SLIT2: variants seen among roughly 807,000 people sequenced by gnomAD.
SLIT2 encodes the protein slit guidance ligand 2, also known as slit homolog 2 protein.
A neutral mutation model predicts 185.7 loss-of-function variants in SLIT2; 41 were observed. That is an observed-to-expected ratio of 0.22 (90% CI 0.17 to 0.29). The LOEUF is 0.29. Ranked by LOEUF, SLIT2 falls within the 10% of genes least tolerant of loss-of-function variation. SLIT2 has a pLI of 1.00. For missense variants in SLIT2, 1,571 were observed against 1,909.0 expected (o/e 0.82, Z 3.30); for synonymous variants, 693 against 680.2 (o/e 1.02, Z -0.29).
chr4:20,488,132 C>G (rs895855247), intron 7 of SLIT2, among the ~76,000 whole-genome samples: 8 of 152,254 alleles, frequency 5.3e-5, no homozygotes, highest in Non-Finnish European at 1.2e-4. Context: ...AATCCATGAT[C>G]TTGTGTGGAT....
At chr4:20,612,617 C>T (rs1400548595) in intron 34 of SLIT2, among the ~76,000 whole-genome samples, 3 of 152,060 alleles carry the variant, frequency 2.0e-5, no homozygotes, top group African/African-American at 7.2e-5. Context: ...ACTAAGTTCT[C>T]TTTAAAAATA....
chr4:20,554,094 A>G (rs1312384806), intron 26 of SLIT2, 126 bp downstream of exon 26: 5 of 791,982 alleles, frequency 6.3e-6, no homozygotes, highest in Non-Finnish European at 9.9e-6. Context: ...TTTTCAGCCC[A>G]TGCTTGGACA....
intron 4 of SLIT2, among the ~76,000 whole-genome samples, chr4:20,416,962 C>CTTTT (rs33980142): frequency 7.1e-6 from 1 of 141,354 alleles, no homozygotes; most frequent in Non-Finnish European, 1.5e-5. Context: ...GCTATCAAAT[C>CTTTT]TTTTTTTTTT....
chr4:20,538,405 C>T (rs1722496429), intron 18 of SLIT2, among the ~76,000 whole-genome samples: 1 of 55,374 alleles, frequency 1.8e-5, no homozygotes, highest in Non-Finnish European at 3.1e-5. Flanking sequence ...ACGATCCCTT[C>T]ATAAGGAGAG....
At chr4:20,287,590 A>G (rs1034724999) in intron 4 of SLIT2, among the ~76,000 whole-genome samples, 1 of 152,102 alleles carries the variant, frequency 6.6e-6, no homozygotes, top group Non-Finnish European at 1.5e-5. Flanking sequence ...GATAAACTCA[A>G]ATGTGTTTTT....
intron 4 of SLIT2, among the ~76,000 whole-genome samples, chr4:20,454,194 T>G (rs1322751015): frequency 6.6e-6 from 1 of 152,192 alleles, no homozygotes; most frequent in Non-Finnish European, 1.5e-5. Flanking sequence ...CTGCATAACC[T>G]GTGTGGTACC....
intron 4 of SLIT2, among the ~76,000 whole-genome samples, chr4:20,334,380 C>T (rs1256979040): frequency 1.3e-5 from 2 of 152,078 alleles, no homozygotes; most frequent in African/African-American, 4.8e-5. Context: ...AAGAAGATGA[C>T]ACAGCAAAGG....
intron 4 of SLIT2, among the ~76,000 whole-genome samples, chr4:20,455,586 A>G (rs935731327): frequency 2.6e-5 from 4 of 152,150 alleles, no homozygotes; most frequent in African/African-American, 7.2e-5. Context: ...TATTTATACA[A>G]TGGAATATTA....
chr4:20,516,978 T>C (rs1368376629), intron 11 of SLIT2, among the ~76,000 whole-genome samples: 2 of 152,158 alleles, frequency 1.3e-5, no homozygotes, highest in East Asian at 1.9e-4. Flanking sequence ...AAAAAAATAA[T>C]TACACAATAT....
chr4:20,469,751 CT>C (rs33912349), intron 5 of SLIT2, among the ~76,000 whole-genome samples: 15,779 of 90,210 alleles, frequency 0.17, 510 homozygotes, highest in Non-Finnish European at 0.21. Context: ...TTAGTTTTTA[CT>C]TTTTTTTTTT....
chr4:20,346,829 G>A (rs548785371), intron 4 of SLIT2, among the ~76,000 whole-genome samples: 17 of 152,304 alleles, frequency 1.1e-4, no homozygotes, highest in Admixed American at 1.0e-3. Context: ...GAAGCATCCA[G>A]AACGGGAGAA....
intron 33 of SLIT2, among the ~76,000 whole-genome samples, chr4:20,598,596 G>T (rs1375222674): frequency 6.6e-6 from 1 of 152,092 alleles, no homozygotes; most frequent in African/African-American, 2.4e-5. Flanking sequence ...TAAGGGGACT[G>T]CTATGCACAA....
At chr4:20,507,056 T>C (rs1165348199) in intron 9 of SLIT2, among the ~76,000 whole-genome samples, 7 of 152,156 alleles carry the variant, frequency 4.6e-5, no homozygotes, top group African/African-American at 1.7e-4. Flanking sequence ...TAGTTTGCAA[T>C]GTGAAGATCA....
intron 4 of SLIT2, among the ~76,000 whole-genome samples, chr4:20,451,804 T>C (rs1245320244): frequency 6.6e-6 from 1 of 152,226 alleles, no homozygotes; most frequent in African/African-American, 2.4e-5. Flanking sequence ...AGGTTTATTC[T>C]GGCATCTAAA....
intron 9 of SLIT2, among the ~76,000 whole-genome samples, chr4:20,494,463 G>A (rs570660851): frequency 6.6e-6 from 1 of 152,232 alleles, no homozygotes. Context: ...AATACTAAAG[G>A]ACCAGTGACA....
intron 4 of SLIT2, among the ~76,000 whole-genome samples, chr4:20,310,752 A>C (rs571697115): frequency 1.3e-5 from 2 of 152,272 alleles, no homozygotes; most frequent in East Asian, 3.9e-4. Flanking sequence ...ACTGAATTTC[A>C]AGTAAGTTTC....
chr4:20,258,018 C>T (rs1712031491), intron 3 of SLIT2, 79 bp downstream of exon 3: 1 of 729,634 alleles, frequency 1.4e-6, no homozygotes. Context: ...ATCATGTCTT[C>T]AATTTCATGT....
intron 29 of SLIT2, 184 bp downstream of exon 29, chr4:20,569,188 C>A: frequency 1.7e-6 from 1 of 587,178 alleles, no homozygotes; most frequent in Admixed American, 2.9e-5. Flanking sequence ...AATAAAAGAC[C>A]CAGGAATCTC....
At chr4:20,255,014 A>T (rs918148501) in intron 1 of SLIT2, 2 of 456,184 alleles carry the variant, frequency 4.4e-6, no homozygotes, top group East Asian at 7.0e-5. Context: ...GAAGTGGAGC[A>T]TGGAGGCCGT....
Sources: allele counts gnomAD v4.1 joint callset (sites outside exome capture counted in the v4.1 genomes callset), GRCh38; gene constraint gnomAD v4.1.1; transcripts MANE v1.5; gene names NCBI Gene and HGNC (gene_info 2026-07-23, HGNC 2026-07-21).